Variants in LIN54 observed in about 807,000 individuals in gnomAD.
The protein encoded by LIN54 is protein lin-54 homolog.
In LIN54, 9 loss-of-function variants were observed where a neutral mutation model predicts 78.7. The observed-to-expected ratio is 0.11, with a 90% CI of 0.07 to 0.20. The LOEUF is 0.20. Ranked by LOEUF, LIN54 falls within the 10% of genes least tolerant of loss-of-function variation. LIN54 has a pLI of 1.00. For synonymous variants in LIN54, 269 were observed against 318.4 expected (o/e 0.84, Z 1.65); for missense variants, 573 against 889.9 (o/e 0.64, Z 4.53).
chr4:82,969,875 A>G (rs1296795204), intron 4 of LIN54, among the ~76,000 whole-genome samples: 1 of 152,208 alleles, frequency 6.6e-6, no homozygotes, highest in Non-Finnish European at 1.5e-5. Context: ...AACAACACTG[A>G]TAATATGGCT....
chr4:82,988,910 C>T (rs566445285), intron 1 of LIN54, among the ~76,000 whole-genome samples: 3 of 151,888 alleles, frequency 2.0e-5, no homozygotes, highest in Non-Finnish European at 4.4e-5. Context: ...TGGGTTTGGC[C>T]GGGCGCGGTG....
At chr4:82,979,788 T>G (rs1726469210) in intron 2 of LIN54, among the ~76,000 whole-genome samples, 1 of 151,098 alleles carries the variant, frequency 6.6e-6, no homozygotes, top group South Asian at 2.1e-4. Context: ...AATACAAAAA[T>G]AAGCAGGGTG....
chr4:82,985,758 C>G (rs1415678396), intron 1 of LIN54, among the ~76,000 whole-genome samples: 1 of 152,206 alleles, frequency 6.6e-6, no homozygotes, highest in East Asian at 1.9e-4. Context: ...CCAGGCTGGT[C>G]TCGAACTCCT....
At chr4:82,940,407 G>T (rs992555890) in intron 5 of LIN54, among the ~76,000 whole-genome samples, 15 of 149,554 alleles carry the variant, frequency 1.0e-4, no homozygotes, top group Admixed American at 6.0e-4. Flanking sequence ...GTTTTTTTTT[G>T]AGACGGAGAC....
chr4:82,953,661 G>T (rs1430618594), intron 4 of LIN54, among the ~76,000 whole-genome samples: 1 of 152,088 alleles, frequency 6.6e-6, no homozygotes, highest in Non-Finnish European at 1.5e-5. Flanking sequence ...AAATCAGTCA[G>T]TATCGCCCTG....
At chr4:82,959,992 T>C (rs1724656915) in intron 4 of LIN54, among the ~76,000 whole-genome samples, 1 of 152,212 alleles carries the variant, frequency 6.6e-6, no homozygotes, top group Non-Finnish European at 1.5e-5. Flanking sequence ...AAGATAAAGA[T>C]TGAAACCTAT....
intron 5 of LIN54, among the ~76,000 whole-genome samples, chr4:82,943,725 G>A (rs370002730): frequency 6.6e-6 from 1 of 151,788 alleles, no homozygotes; most frequent in East Asian, 1.9e-4. Flanking sequence ...CAGTGTTCAA[G>A]GTGAAAAGCA....
intron 1 of LIN54, among the ~76,000 whole-genome samples, chr4:82,989,861 A>G (rs888660964): frequency 1.3e-5 from 2 of 152,198 alleles, no homozygotes; most frequent in Admixed American, 6.5e-5. Flanking sequence ...TGTGGACACC[A>G]TATGTTCTGC....
intron 5 of LIN54, among the ~76,000 whole-genome samples, chr4:82,945,205 T>C (rs1018867471): frequency 6.6e-6 from 1 of 152,230 alleles, no homozygotes; most frequent in African/African-American, 2.4e-5. Context: ...TAGTCTTTAA[T>C]TCTTCTATTT....
At chr4:83,010,872 GC>G (rs1202037144), upstream of LIN54, 1 of 1,186,934 alleles carries the variant, frequency 8.4e-7, no homozygotes, top group Admixed American at 4.4e-5. Flanking sequence ...CACCCGGGAG[GC>G]GCACACCCAC....
At chr4:83,009,227 T>C (rs1012069458) in intron 1 of LIN54, among the ~76,000 whole-genome samples, 7 of 152,184 alleles carry the variant, frequency 4.6e-5, no homozygotes, top group Admixed American at 4.6e-4. Flanking sequence ...AACTACAAAA[T>C]TTGTGATATA....
rs560490508 is a variant in LIN54 at position 82,944,319 on chromosome 4, A to G, written c.1168+1939T>C. ...GGATTCTCAGCATACTATTATACGC[A>G]TACAAACACACACATAAAATACAAC... On this transcript the variant is annotated intron_variant, in intron 5 of 12. Coordinates refer to ENST00000340417, the MANE Select transcript of LIN54 (RefSeq NM_194282.4). 3.9e-5 allele frequency among the ~76,000 whole-genome samples: 6 copies of G among 152,334 alleles called. No homozygotes were observed. In the South Asian group the frequency reaches 1.0e-3, roughly 26 times the overall value.
At chr4:82,935,259 CATATAT>C (rs752988636) in intron 11 of LIN54, among the ~76,000 whole-genome samples, 1 of 145,752 alleles carries the variant, frequency 6.9e-6, no homozygotes, top group Admixed American at 6.9e-5. Flanking sequence ...ATTTTGTATC[CATATAT>C]ATATATATAT....
intron 1 of LIN54, among the ~76,000 whole-genome samples, chr4:83,004,198 C>G (rs574558252): frequency 5.9e-5 from 9 of 151,956 alleles, no homozygotes; most frequent in Admixed American, 3.9e-4. Context: ...GAGTTTGAGA[C>G]CAGCCTGGCC....
intron 1 of LIN54, among the ~76,000 whole-genome samples, chr4:82,986,117 C>T (rs1309028792): frequency 6.6e-6 from 1 of 152,096 alleles, no homozygotes; most frequent in African/African-American, 2.4e-5. Context: ...ACTTTCTTCT[C>T]TTCCTTTTCG....
Position 82,955,312 on chromosome 4 carries a change from C to T in LIN54, c.952-8838G>A, listed in dbSNP as rs375582038. ...CTGGGAGGTGGAGGTTGCAATGAGT[C>T]GAGATTGCGCCACTGCACTCCAGCC... On this transcript the variant is annotated intron_variant, in intron 4 of 12. Transcript: ENST00000340417. Among the ~76,000 whole-genome samples the T allele has an allele frequency of 1.5e-4, 23 of 151,924 alleles. No homozygotes were observed. The South Asian group carries it at 1.9e-3, about 12-fold the overall frequency.
intron 1 of LIN54, among the ~76,000 whole-genome samples, chr4:82,987,995 G>C (rs1318725630): frequency 1.3e-5 from 2 of 152,140 alleles, no homozygotes; most frequent in Non-Finnish European, 2.9e-5. Context: ...ACATTGTCAT[G>C]AACAATGTAA....
chr4:82,947,235 A>ATATTTTTTTTTTT, intron 4 of LIN54, among the ~76,000 whole-genome samples: 769 of 44,292 alleles, frequency 0.017, 60 homozygotes, highest in Middle Eastern at 0.077. Context: ...ATATATATAT[A>ATATTTTTTTTTTT]TTTTTTTTTT....
chr4:82,983,531 GAAGAT>G (rs1726869256), intron 2 of LIN54, among the ~76,000 whole-genome samples: 1 of 152,076 alleles, frequency 6.6e-6, no homozygotes, highest in South Asian at 2.1e-4. Context: ...AAAACTCAGA[GAAGAT>G]AAGTAACCTA....
Sources: allele counts gnomAD v4.1 joint callset (sites outside exome capture counted in the v4.1 genomes callset), GRCh38; gene constraint gnomAD v4.1.1; transcripts MANE v1.5; gene names NCBI Gene and HGNC (gene_info 2026-07-23, HGNC 2026-07-21).